RUNX2: variants seen among roughly 807,000 people sequenced by gnomAD.
RUNX2 encodes runt-related transcription factor 2.
Under a neutral mutation model 51.7 loss-of-function variants are expected in RUNX2, and 10 were observed. The observed-to-expected ratio is 0.19, with a 90% CI of 0.12 to 0.33. The LOEUF (loss-of-function observed/expected upper bound fraction) is 0.33. Among genes scored for constraint, RUNX2 ranks in the 10% least tolerant of loss-of-function variants. The pLI, the probability that RUNX2 is intolerant of heterozygous loss-of-function variation, is 1.00. For synonymous variants in RUNX2, 276 were observed against 273.6 expected, an observed-to-expected ratio of 1.01 and a Z score of -0.09; for missense variants, 562 against 691.3, an observed-to-expected ratio of 0.81 and a Z score of 2.10.
At chr6:45,366,974 A>C (rs956299779) in intron 2 of RUNX2, among the ~76,000 whole-genome samples, 3 of 152,186 alleles carry the variant, frequency 2.0e-5, no homozygotes, top group Admixed American at 2.0e-4. Context: ...CCTGTGGGTA[A>C]TGATAAAATT....
At chr6:45,487,180 A>G (rs540357562) in intron 5 of RUNX2, among the ~76,000 whole-genome samples, 336 of 152,312 alleles carry the variant, frequency 2.2e-3, no homozygotes, top group South Asian at 0.014. Context: ...TTAATTTTAA[A>G]TTGATTTTTG....
intron 2 of RUNX2, among the ~76,000 whole-genome samples, chr6:45,374,878 T>G (rs1442297253): frequency 6.6e-6 from 1 of 152,208 alleles, no homozygotes; most frequent in African/African-American, 2.4e-5. Flanking sequence ...TATTTATTAT[T>G]TAGACACAAA....
intron 5 of RUNX2, among the ~76,000 whole-genome samples, chr6:45,462,432 T>C (rs904852987): frequency 1.3e-5 from 2 of 152,244 alleles, no homozygotes; most frequent in African/African-American, 4.8e-5. Context: ...CACAGAACAT[T>C]GTACCTGGAG....
intron 4 of RUNX2, 150 bp downstream of exon 4, chr6:45,432,169 T>A: frequency 2.5e-6 from 2 of 806,960 alleles, no homozygotes; most frequent in Non-Finnish European, 4.1e-6. Flanking sequence ...TGAAGTTGAG[T>A]GTTTTTCTGA....
chr6:45,415,603 G>T (rs1296320663), intron 2 of RUNX2, among the ~76,000 whole-genome samples: 1 of 152,212 alleles, frequency 6.6e-6, no homozygotes, highest in Non-Finnish European at 1.5e-5. Flanking sequence ...TATTGCAGCA[G>T]CTGGGCTTTG....
At chr6:45,511,355 A>T (rs1220076689) in intron 6 of RUNX2, among the ~76,000 whole-genome samples, 2 of 152,204 alleles carry the variant, frequency 1.3e-5, no homozygotes, top group Admixed American at 1.3e-4. Context: ...TGTAGGTAAC[A>T]CTAGGCCAAA....
At chr6:45,415,039 G>A (rs552041983) in intron 2 of RUNX2, among the ~76,000 whole-genome samples, 1 of 152,118 alleles carries the variant, frequency 6.6e-6, no homozygotes, top group Admixed American at 6.5e-5. Context: ...TCATTTAATA[G>A]ATGTGATATG....
intron 2 of RUNX2, among the ~76,000 whole-genome samples, chr6:45,355,735 G>A: frequency 6.6e-6 from 1 of 152,102 alleles, no homozygotes; most frequent in Non-Finnish European, 1.5e-5. Context: ...ACATTAATAT[G>A]CACAAATTCT....
At chr6:45,533,154 GT>G (rs1238697278) in intron 7 of RUNX2, among the ~76,000 whole-genome samples, 2 of 152,074 alleles carry the variant, frequency 1.3e-5, no homozygotes, top group African/African-American at 4.8e-5. Context: ...GTGTGTGTGT[GT>G]GTGTTGAGAG....
At chr6:45,427,317 A>T (rs967358459) in intron 3 of RUNX2, among the ~76,000 whole-genome samples, 1 of 152,050 alleles carries the variant, frequency 6.6e-6, no homozygotes, top group Non-Finnish European at 1.5e-5. Context: ...TTGTTAGATG[A>T]TCTAAACCAC....
chr6:45,426,225 C>A (rs1020689279), intron 3 of RUNX2, among the ~76,000 whole-genome samples: 2 of 152,050 alleles, frequency 1.3e-5, no homozygotes, highest in Non-Finnish European at 2.9e-5. Flanking sequence ...CAAAGTTCTG[C>A]AGTTTTGAAA....
Position 45,422,699 on chromosome 6 carries a change from GCAGCAGCAA to G in RUNX2, c.174_182del (p.Gln69_Gln71del), listed in dbSNP as rs760467249. 4 of 1,597,786 alleles carry G rather than the reference GCAGCAGCAA, an allele frequency of 2.5e-6. No individual in the cohort carries two copies. Among genetic ancestry groups the G allele is most frequent in the Non-Finnish European group, 2.6e-6 (3 of 1,171,970 alleles). On this transcript the variant is annotated inframe_deletion, in exon 3 of 9. Transcript: ENST00000647337. ...CTGCGCAACAGCAGCAGCAACAGCA[GCAGCAGCAA>G]CAGCAGCAGCAGCAGCAGCAACAGC...
intron 7 of RUNX2, among the ~76,000 whole-genome samples, chr6:45,538,507 A>G (rs1802109880): frequency 6.6e-6 from 1 of 152,128 alleles, no homozygotes; most frequent in East Asian, 1.9e-4. Flanking sequence ...TAGGAGGGAA[A>G]GGCTATCACT....
chr6:45,352,390 T>C (rs924605035), intron 2 of RUNX2, among the ~76,000 whole-genome samples: 4 of 152,124 alleles, frequency 2.6e-5, no homozygotes, highest in African/African-American at 9.7e-5. Context: ...ACTCTTATTA[T>C]AGATACAAAT....
In RUNX2 at chr6:45,492,054, C is replaced by T. The variant is rs370486033; in HGVS notation, c.799C>T (p.Arg267Trp). 3.2e-5 allele frequency: 52 copies of T among 1,613,788 alleles called. No homozygotes were observed. The highest frequency in any genetic ancestry group is 9.3e-5 in the African/African-American group (7 of 74,868). ...AGTAGGTGTCCCGCCTCAGAACCCA[C>T]GGCCCTCCCTGAACTCTGCACCAAG... ...MRVGVPPQNP[R>W]PSLNSAPSPF... The change falls in exon 6 of 9, where the codon CGG (arginine) becomes TGG (tryptophan). Residue 267 changes from arginine to tryptophan, a missense_variant. This residue lies in a region of RUNX2 where 304 missense variants were observed against 353.2 expected (regional missense o/e 0.86). Coordinates refer to ENST00000647337, the MANE Select transcript of RUNX2 (RefSeq NM_001024630.4).
intron 2 of RUNX2, among the ~76,000 whole-genome samples, chr6:45,404,259 C>CAAAAAAAAAAAAAAAAAAAAAAAAAA (rs34529128): frequency 3.6e-5 from 1 of 27,696 alleles, no homozygotes; most frequent in Admixed American, 4.7e-4. Context: ...GACTCTGTCT[C>CAAAAAAAAAAAAAAAAAAAAAAAAAA]AAAAAAAAAA....
intron 2 of RUNX2, among the ~76,000 whole-genome samples, chr6:45,346,196 A>G (rs1266056499): frequency 1.3e-5 from 2 of 152,098 alleles, no homozygotes; most frequent in East Asian, 3.8e-4. Flanking sequence ...TATGTGTGTA[A>G]GATTCTCACT....
chr6:45,478,233 C>T (rs2150398013), intron 5 of RUNX2, among the ~76,000 whole-genome samples: 1 of 152,086 alleles, frequency 6.6e-6, no homozygotes, highest in East Asian at 1.9e-4. Flanking sequence ...TTTATGATGC[C>T]TCCAGTATAC....
At chr6:45,506,754 C>T (rs1337318355) in intron 6 of RUNX2, among the ~76,000 whole-genome samples, 1 of 152,112 alleles carries the variant, frequency 6.6e-6, no homozygotes, top group Non-Finnish European at 1.5e-5. Flanking sequence ...GATCCTCCCT[C>T]CTCAGCCTCT....
Sources: allele counts gnomAD v4.1 joint callset (sites outside exome capture counted in the v4.1 genomes callset), GRCh38; gene constraint gnomAD v4.1.1; regional missense constraint gnomAD v4.1.1; transcripts MANE v1.5; gene names NCBI Gene and HGNC (gene_info 2026-07-23, HGNC 2026-07-21).